COQ9: variants seen among roughly 807,000 people sequenced by gnomAD.
The protein encoded by COQ9 is coenzyme Q9, also known as ubiquinone biosynthesis protein COQ9, mitochondrial.
Under a neutral mutation model 42.4 loss-of-function variants are expected in COQ9, and 35 were observed. That is an observed-to-expected ratio of 0.83 (90% confidence interval 0.63 to 1.10). COQ9 has a LOEUF of 1.10. Ranked by LOEUF, COQ9 falls within the 50% of genes least tolerant of loss-of-function variation. The pLI is 0.00. For missense variants in COQ9, 406 were observed against 414.6 expected (o/e 0.98, Z 0.18); for synonymous variants, 155 against 155.1 (o/e 1.00, Z 0.00).
intron 5 of COQ9, 194 bp from the exon 6 acceptor site, chr16:57,458,051 GC>G (rs1375929150): frequency 3.2e-6 from 2 of 623,114 alleles, no homozygotes; most frequent in South Asian, 1.7e-5. Flanking sequence ...ATAAGACGGG[GC>G]TATGCCCCTG....
At position 57,447,510 on chromosome 16, in the gene COQ9, C is replaced by A; in HGVS notation, c.5C>A (p.Ala2Glu). The part of the protein sequence containing the change: M[A>E]AAAVSGALGR... ...GGCGACGTGCCCGCTTCCAAAATGG[C>A]GGCGGCGGCGGTATCTGGTGCGCTT... The change falls in exon 1 of 9, where the codon GCG becomes GAG. Residue 2 changes from alanine (A) to glutamate (E), a missense_variant. By Grantham distance (107) the Ala-to-Glu change is moderately radical. Coordinates refer to ENST00000262507, the MANE Select transcript of COQ9 (RefSeq NM_020312.4). The A allele has an allele frequency of 7.7e-7, 1 of 1,301,366 alleles. No individual in the cohort carries two copies. Among genetic ancestry groups the A allele is most frequent in the South Asian group, 2.6e-5 (1 of 39,050 alleles). The allele number at this position is 1,301,366 out of a possible 1,614,324, so 80.6% of individuals were successfully genotyped here. A position where few individuals can be genotyped will look rare whatever the true frequency, so the allele number is the denominator to read the frequency against.
chr16:57,456,411 C>T (rs1215228152), intron 3 of COQ9, 93 bp from the exon 4 acceptor site: 21 of 1,401,760 alleles, frequency 1.5e-5, no homozygotes, highest in Non-Finnish European at 2.0e-5. Context: ...AATCAAGCTG[C>T]TGTCACTAGG....
chr16:57,456,856 G>T, intron 4 of COQ9, 75 bp from the exon 5 acceptor site: 1 of 1,421,166 alleles, frequency 7.0e-7, no homozygotes, highest in South Asian at 1.2e-5. Context: ...CTCCTCCCTA[G>T]GGCTGAGTAA....
At chr16:57,453,114 G>A (rs1011194974) in intron 3 of COQ9, 178 bp downstream of exon 3, 1 of 751,952 alleles carries the variant, frequency 1.3e-6, no homozygotes, top group Admixed American at 2.2e-5. Context: ...TAGTTATAAA[G>A]AACATACCAT....
chr16:57,457,748 C>T (rs925071146), intron 5 of COQ9, among the ~76,000 whole-genome samples: 1 of 152,212 alleles, frequency 6.6e-6, no homozygotes, highest in Non-Finnish European at 1.5e-5. Context: ...CAACTGCCTT[C>T]CTGATTCAGC....
intron 4 of COQ9, 133 bp from the exon 5 acceptor site, chr16:57,456,798 C>CTG: frequency 1.5e-6 from 2 of 1,303,310 alleles, no homozygotes; most frequent in East Asian, 4.9e-5. Context: ...ACCTGGCAGC[C>CTG]TGTCTCTGAC....
Position 57,447,560 on chromosome 16 carries a change from C to G in COQ9, c.55C>G (p.Gln19Glu), listed in dbSNP as rs1188985107. 7.7e-7 allele frequency: 1 copy of G among 1,291,358 alleles called. No homozygotes were observed. The highest frequency in any genetic ancestry group is 9.9e-7 in the Non-Finnish European group (1 of 1,014,556). 80.0% of individuals were successfully genotyped at this position (1,291,358 alleles called of 1,614,324 possible). A position where few individuals can be genotyped will look rare whatever the true frequency, so the allele number is the denominator to read the frequency against. The part of the protein sequence containing the change: ...ALGRAGWRLL[Q>E]LRCLPVARCR... The stretch of plus-strand genomic sequence containing the variant: ...TGGCCGGGCGGGCTGGAGGCTCCTG[C>G]AGCTGCGATGCCTGCCCGGTGAGGG... The change falls in exon 1 of 9, where the codon CAG (glutamine) becomes GAG (glutamate). Residue 19 changes from glutamine (Q) to glutamate (E), a missense_variant. Physicochemically the swap from Gln to Glu is conservative, Grantham distance 29. Transcript: ENST00000262507.
Position 57,460,960 on chromosome 16 carries a change from C to G in COQ9, c.*336C>G, listed in dbSNP as rs1466445183. On this transcript the variant is annotated 3_prime_UTR_variant, in exon 9 of 9. Coordinates refer to ENST00000262507, the MANE Select transcript of COQ9 (RefSeq NM_020312.4). The stretch of plus-strand genomic sequence containing the variant: ...GTCACAATCTCATGGGCACCTTGAT[C>G]ATGTCTTAACCTTCCCTTAACCTTG... 2.6e-6 allele frequency: 1 copy of G among 378,024 alleles called. No homozygotes were observed. The highest frequency in any genetic ancestry group is 2.1e-5 in the African/African-American group (1 of 47,654). 23.4% of individuals were successfully genotyped at this position (378,024 alleles called of 1,614,324 possible).
Position 57,456,944 on chromosome 16 carries a change from G to T in COQ9, c.535G>T (p.Asp179Tyr). The change falls in exon 5 of 9, where the codon GAC becomes TAC. Residue 179 changes from aspartate (D) to tyrosine (Y), a missense_variant. Asp to Tyr is a radical substitution (Grantham distance 160). Transcript: ENST00000262507. ...TCCCTCTTCCAGGAAGAGGAAGACAGACCAGTTCCTGAGGGATGCAGTGGA... is the reference window on the plus strand; with the variant it reads ...TCCCTCTTCCAGGAAGAGGAAGACATACCAGTTCCTGAGGGATGCAGTGGA... ...QLGQAEKRKT[D>Y]QFLRDAVETR... 1 of 1,613,942 alleles carries T rather than the reference G, an allele frequency of 6.2e-7. No individual in the cohort carries two copies. The highest frequency in any genetic ancestry group is 1.1e-5 in the South Asian group (1 of 91,074).
chr16:57,452,876 A>C lies in COQ9; in HGVS notation c.318A>C (p.Ala106=), dbSNP rs567112416. 1.3e-5 allele frequency: 21 copies of C among 1,613,880 alleles called. 1 individual carries two copies. The South Asian group carries it at 2.3e-4, about 18-fold the overall frequency. The change falls in exon 3 of 9, where the codon GCA becomes GCC. Residue 106 remains alanine, a synonymous_variant. Coordinates refer to ENST00000262507, the MANE Select transcript of COQ9 (RefSeq NM_020312.4). The stretch of plus-strand genomic sequence containing the variant: ...AGTTGCAGCACCGCATCCTGACGGC[A>C]GCCCTTGAGTTTGTGCCCGCCCACG... ...EEQLQHRILT[A]ALEFVPAHGW...
Position 57,453,198 on chromosome 16 carries a change from G to T in COQ9, c.378+262G>T, listed in dbSNP as rs2030328108. 14 of 544,220 alleles carry T rather than the reference G, an allele frequency of 2.6e-5. No individual in the cohort carries two copies. The South Asian group carries it at 2.7e-4, about 10-fold the overall frequency. The allele number at this position is 544,220 out of a possible 1,614,324, so 33.7% of individuals were successfully genotyped here. ...AATTGTCTGTGATCAAAACTCCCAT[G>T]TTTCATTGACTCTAAGATGCCATTG... On this transcript the variant is annotated intron_variant, in intron 3 of 8. Coordinates refer to ENST00000262507, the MANE Select transcript of COQ9 (RefSeq NM_020312.4).
intron 1 of COQ9, 35 bp downstream of exon 1, chr16:57,447,613 G>T: frequency 1.6e-6 from 2 of 1,241,382 alleles, no homozygotes; most frequent in Middle Eastern, 3.0e-4. Flanking sequence ...GAGGCGGGGA[G>T]CGCGGAGGGG....
intron 5 of COQ9, chr16:57,458,032 T>C (rs2030444713): frequency 1.7e-6 from 1 of 580,444 alleles, no homozygotes; most frequent in Non-Finnish European, 3.2e-6. Flanking sequence ...AGAATGTGCT[T>C]GGGCTTGCAT....
rs552465571 is a variant in COQ9, at chr16:57,459,694, A to G, written c.841A>G (p.Met281Val). Residue 281 changes from methionine to valine, a missense_variant, in exon 7 of 9, where the codon ATG (methionine) becomes GTG (valine). Met to Val is a conservative substitution (Grantham distance 21, BLOSUM62 1). Coordinates refer to ENST00000262507, the MANE Select transcript of COQ9 (RefSeq NM_020312.4). ...RFLENRVNDA[M>V]NMGHTAKQVK... ...CCTGGAAAACCGGGTTAATGATGCA[A>G]TGAACATGGGCCACACTGCCAAGCA... 210 of 1,614,048 alleles carry G rather than the reference A, an allele frequency of 1.3e-4. No individual in the cohort carries two copies. In the Admixed American group the frequency reaches 1.7e-3, roughly 13 times the overall value.
Position 57,451,030 on chromosome 16 carries a change from T to TAA in COQ9, c.74-10_74-9insAA. 3 of 1,613,690 alleles carry TAA rather than the reference T, an allele frequency of 1.9e-6. No individual in the cohort carries two copies. The highest frequency in any genetic ancestry group is 2.5e-6 in the Non-Finnish European group (3 of 1,179,982). ...GTTGAATGTCCCTGACTGACCAGTT[T>TAA]CTGTTTCAGTGGCCCGTTGCCGACA... On this transcript the variant is annotated splice_polypyrimidine_tract_variant and intron_variant, in intron 1 of 8. Transcript: ENST00000262507.
intron 3 of COQ9, chr16:57,453,981 A>G (rs2030346528): frequency 6.6e-6 from 1 of 152,244 alleles, no homozygotes; most frequent in Non-Finnish European, 1.5e-5. Flanking sequence ...CTTCCAGTCT[A>G]GCAACATTAA....
At position 57,460,855 on chromosome 16, in the gene COQ9, C is replaced by T; in HGVS notation, c.*231C>T. 1 of 546,626 alleles carries T rather than the reference C, an allele frequency of 1.8e-6. No homozygotes were observed. The highest frequency in any genetic ancestry group is 3.3e-6 in the Non-Finnish European group (1 of 300,676). 33.9% of individuals were successfully genotyped at this position (546,626 alleles called of 1,614,324 possible). ...TAATACCAGACCAAGCCTCCTGATG[C>T]CTTTCTGCACTGCAACTGTGTGATT... is the stretch of plus-strand genomic sequence containing the variant. On this transcript the variant is annotated 3_prime_UTR_variant, in exon 9 of 9. Transcript: ENST00000262507.
intron 6 of COQ9, 71 bp downstream of exon 6, chr16:57,458,421 G>A (rs1002497114): frequency 2.5e-6 from 3 of 1,177,346 alleles, no homozygotes; most frequent in Admixed American, 2.0e-5. Context: ...AGAAGCTTGT[G>A]AAATTGCTTT....
chr16:57,453,003 C>CG (rs1186126327), intron 3 of COQ9, 67 bp downstream of exon 3: 5 of 1,595,972 alleles, frequency 3.1e-6, no homozygotes, highest in South Asian at 1.1e-5. Flanking sequence ...CCAGGCAGAG[C>CG]GGGGGGCCTC....
Sources: gnomAD v4.1 joint callset for allele counts (sites outside exome capture counted in the v4.1 genomes callset) on GRCh38, gnomAD v4.1.1 for gene constraint, MANE v1.5 for transcripts, NCBI Gene and HGNC (gene_info 2026-07-23, HGNC 2026-07-21) for gene names.